The following PSMD9 variants were observed in gnomAD, a reference collection of about 807,000 sequenced individuals.
PSMD9 encodes the protein proteasome 26S subunit, non-ATPase 9, also known as 26S proteasome non-ATPase regulatory subunit 9.
PSMD9 carries 26 observed loss-of-function variants against 25.9 expected under a neutral mutation model. That is an observed-to-expected ratio of 1.00 (90% CI 0.73 to 1.39). PSMD9 has a LOEUF of 1.39. PSMD9 is among the 40% of genes most tolerant of loss of function. The pLI is 0.00. For synonymous variants in PSMD9, 110 were observed against 114.5 expected (o/e 0.96, Z 0.25); for missense variants, 303 against 299.3 (o/e 1.01, Z -0.09).
At chr12:121,912,781 G>T (rs763686731) in intron 4 of PSMD9, among the ~76,000 whole-genome samples, 2 of 148,704 alleles carry the variant, frequency 1.3e-5, no homozygotes, top group Non-Finnish European at 3.0e-5. Flanking sequence ...CAGGAGAATC[G>T]CTTGAGCCCA....
chr12:121,911,925 T>C (rs1295923475), intron 4 of PSMD9, among the ~76,000 whole-genome samples: 2 of 152,092 alleles, frequency 1.3e-5, no homozygotes, highest in Non-Finnish European at 2.9e-5. Flanking sequence ...AGTGCTGGGA[T>C]TGCAGGCGTG....
intron 4 of PSMD9, chr12:121,908,126 G>C (rs576881532): frequency 6.6e-6 from 1 of 151,896 alleles, no homozygotes; most frequent in Non-Finnish European, 1.5e-5. Context: ...CTAAGAATTT[G>C]TCTACCAGGT....
At chr12:121,900,985 T>TAAAA (rs749082407) in intron 3 of PSMD9, among the ~76,000 whole-genome samples, 1 of 89,474 alleles carries the variant, frequency 1.1e-5, no homozygotes, top group Admixed American at 1.3e-4. Context: ...AGACTCTGTC[T>TAAAA]AAAAAAAAAA....
chr12:121,897,822 C>G (rs1027188237), intron 2 of PSMD9: 3 of 152,224 alleles, frequency 2.0e-5, no homozygotes, highest in African/African-American at 7.2e-5. Flanking sequence ...GCCACCGCGC[C>G]CAGCTAACAG....
chr12:121,891,298 TA>T (rs1209397158), intron 1 of PSMD9, among the ~76,000 whole-genome samples: 3,501 of 91,680 alleles, frequency 0.038, 60 homozygotes, highest in Non-Finnish European at 0.047. Context: ...GCTGTCTCTT[TA>T]AAAAAAAAAA....
At chr12:121,891,510 G>C (rs180988265) in intron 1 of PSMD9, among the ~76,000 whole-genome samples, 51 of 151,762 alleles carry the variant, frequency 3.4e-4, no homozygotes, top group Non-Finnish European at 5.3e-4. Flanking sequence ...TGAGGCAGGA[G>C]AATGGCCTGA....
intron 1 of PSMD9, among the ~76,000 whole-genome samples, chr12:121,890,025 C>T (rs995871935): frequency 1.3e-5 from 2 of 152,012 alleles, no homozygotes; most frequent in South Asian, 2.1e-4. Flanking sequence ...TCAAGTGATT[C>T]TCCTGCCTCA....
In PSMD9 at chr12:121,904,263, C is replaced by CT. The variant is rs879756888; in HGVS notation, c.555+1170dup. Among the ~76,000 whole-genome samples the CT allele has an allele frequency of 4.4e-3, 616 of 140,118 alleles. 2 individuals carry two copies. The highest frequency in any genetic ancestry group is 0.013 in the African/African-American group (517 of 38,318). 91.9% of individuals were successfully genotyped at this position (140,118 alleles called of 152,430 possible). ...CATTTTGTGTCCATTTAAAGAAATT[C>CT]TTTTTTTTTTTTTTAATTAAGAAAT... On this transcript the variant is annotated intron_variant, in intron 4 of 5. Coordinates refer to ENST00000541212, the MANE Select transcript of PSMD9 (RefSeq NM_002813.7).
intron 4 of PSMD9, chr12:121,914,148 A>T (rs1328563315): frequency 6.6e-6 from 1 of 152,044 alleles, no homozygotes; most frequent in African/African-American, 2.4e-5. Context: ...CTGCCTCCCA[A>T]AGTGCTGGGA....
intron 1 of PSMD9, among the ~76,000 whole-genome samples, chr12:121,890,506 T>C (rs559576573): frequency 1.3e-5 from 2 of 152,018 alleles, no homozygotes; most frequent in African/African-American, 4.8e-5. Context: ...CTCGCTCTGT[T>C]GCCCAGGCTG....
intron 4 of PSMD9, among the ~76,000 whole-genome samples, chr12:121,913,061 C>T (rs1460571267): frequency 1.3e-4 from 20 of 151,442 alleles, no homozygotes; most frequent in Admixed American, 6.6e-4. Context: ...CTCAGCCTCC[C>T]GAGTAGCTGG....
Position 121,903,033 on chromosome 12 carries a change from G to A in PSMD9, c.481G>A (p.Glu161Lys). 1 of 1,614,086 alleles carries A rather than the reference G, an allele frequency of 6.2e-7. No homozygotes were observed. The highest frequency in any genetic ancestry group is 8.5e-7 in the Non-Finnish European group (1 of 1,179,998). ...TCTGCAAGTGGATGATGAGATTGTG[G>A]AGTTCGGCTCTGTGAACACCCAGAA... Reference protein sequence around the residue: ...AGLQVDDEIVEFGSVNTQNFQ... With the variant: ...AGLQVDDEIVKFGSVNTQNFQ... Residue 161 changes from glutamate to lysine, a missense_variant, in exon 4 of 6, where the codon GAG (glutamate) becomes AAG (lysine). Glu to Lys is a moderately conservative substitution (Grantham distance 56). Coordinates refer to ENST00000541212, the MANE Select transcript of PSMD9 (RefSeq NM_002813.7).
intron 3 of PSMD9, chr12:121,902,319 C>G (rs926100884): frequency 3.3e-5 from 5 of 151,964 alleles, no homozygotes; most frequent in African/African-American, 1.2e-4. Context: ...GGAATGGGGT[C>G]CTAAACCCTG....
At position 121,899,861 on chromosome 12, in the gene PSMD9, G is replaced by A; in HGVS notation, c.453+16G>A. ...CAGCATCGCGGTAATCCAGGGGTTG[G>A]CCACTCAAGTCCATGCCCAGGGGAC... On this transcript the variant is annotated intron_variant, in intron 3 of 5. Coordinates refer to ENST00000541212, the MANE Select transcript of PSMD9 (RefSeq NM_002813.7). 1 of 1,613,824 alleles carries A rather than the reference G, an allele frequency of 6.2e-7. No individual in the cohort carries two copies. Among genetic ancestry groups the A allele is most frequent in the Non-Finnish European group, 8.5e-7 (1 of 1,179,824 alleles).
At chr12:121,910,488 G>A (rs1879687823) in intron 4 of PSMD9, among the ~76,000 whole-genome samples, 2 of 151,674 alleles carry the variant, frequency 1.3e-5, no homozygotes, top group African/African-American at 4.8e-5. Context: ...TAGGCCGGGC[G>A]CGGTGGCTCA....
chr12:121,897,183 A>G (rs567912005), intron 2 of PSMD9: 1 of 152,148 alleles, frequency 6.6e-6, no homozygotes, highest in African/African-American at 2.4e-5. Context: ...ATATATACAC[A>G]TGTGTATACA....
intron 2 of PSMD9, among the ~76,000 whole-genome samples, chr12:121,896,349 A>C (rs901888422): frequency 2.0e-5 from 3 of 152,026 alleles, no homozygotes; most frequent in African/African-American, 7.2e-5. Flanking sequence ...ACATGCCTGT[A>C]ATTCCAGCTA....
chr12:121,896,093 C>T (rs1308023973), intron 2 of PSMD9, among the ~76,000 whole-genome samples: 1 of 151,746 alleles, frequency 6.6e-6, no homozygotes, highest in Non-Finnish European at 1.5e-5. Flanking sequence ...GCAACTTCCA[C>T]CTCCCGAGTG....
In PSMD9 at chr12:121,917,771, A is replaced by G. The variant is rs1348396742; in HGVS notation, c.*1460A>G. 4 of 152,368 alleles carry G rather than the reference A, an allele frequency of 2.6e-5. No individual in the cohort carries two copies. The highest frequency in any genetic ancestry group is 4.8e-5 in the African/African-American group (2 of 41,580). The allele number at this position is 152,368 out of a possible 1,614,324, so 9.4% of individuals were successfully genotyped here. A position where few individuals can be genotyped will look rare whatever the true frequency, so the allele number is the denominator to read the frequency against. On this transcript the variant is annotated 3_prime_UTR_variant, in exon 6 of 6. Coordinates refer to ENST00000541212, the MANE Select transcript of PSMD9 (RefSeq NM_002813.7). The stretch of plus-strand genomic sequence containing the variant: ...AGCCACAGACATGCTGTGTTTACCA[A>G]TGTTTGCTGTTTAAATTGCATGTTC...
Sources: allele counts gnomAD v4.1 joint callset (sites outside exome capture counted in the v4.1 genomes callset), GRCh38; gene constraint gnomAD v4.1.1; transcripts MANE v1.5; gene names NCBI Gene and HGNC (gene_info 2026-07-23, HGNC 2026-07-21).